The following SIGLEC1 variants were observed in gnomAD, a reference collection of about 807,000 sequenced individuals.
SIGLEC1 encodes sialic acid binding Ig like lectin 1.
Under a neutral mutation model 148.0 loss-of-function variants are expected in SIGLEC1, and 132 were observed. That is an observed-to-expected ratio of 0.89 (90% CI 0.77 to 1.03). The LOEUF is 1.03. Ranked by LOEUF, SIGLEC1 falls within the 50% of genes least tolerant of loss-of-function variation. The pLI, the probability that SIGLEC1 is intolerant of heterozygous loss-of-function variation, is 0.00. For missense variants in SIGLEC1, 2,253 were observed against 2,271.4 expected (o/e 0.99, Z 0.16); for synonymous variants, 945 against 969.0 (o/e 0.98, Z 0.46).
chr20:3,691,565 G>T lies in SIGLEC1; in HGVS notation c.4366C>A (p.Pro1456Thr). The T allele has an allele frequency of 6.2e-7, 1 of 1,612,926 alleles. No homozygotes were observed. Among genetic ancestry groups the T allele is most frequent in the Non-Finnish European group, 8.5e-7 (1 of 1,179,958 alleles). Residue 1456 changes from proline to threonine, a missense_variant, in exon 18 of 22, where the codon CCT (proline) becomes ACT (threonine). Pro to Thr is a conservative substitution (Grantham distance 38, BLOSUM62 -1). Transcript: ENST00000344754. Reference sequence around the variant, plus strand: ...CTGAGGTTCAGGGCAGCGCCCTCAGGCACGTCCAGGCCAGGCTCTGCCACC... The same window carrying T: ...CTGAGGTTCAGGGCAGCGCCCTCAGTCACGTCCAGGCCAGGCTCTGCCACC... ...RVVAEPGLDV[P>T]EGAALNLSCR... is the part of the protein sequence containing the mutation.
At chr20:3,698,535 G>A (rs562526282) in intron 8 of SIGLEC1, among the ~76,000 whole-genome samples, 1 of 152,188 alleles carries the variant, frequency 6.6e-6, no homozygotes, top group African/African-American at 2.4e-5. Context: ...CTCAAGATCT[G>A]CCCTGCAGCT....
intron 7 of SIGLEC1, 106 bp from the exon 8 acceptor site, chr20:3,699,565 A>G: frequency 7.1e-7 from 1 of 1,407,758 alleles, no homozygotes; most frequent in Non-Finnish European, 9.6e-7. Context: ...TACTGTAGGT[A>G]GCTCTGGGCT....
At chr20:3,707,765 T>C (rs1420204215) in intron 1 of SIGLEC1, among the ~76,000 whole-genome samples, 1 of 152,216 alleles carries the variant, frequency 6.6e-6, no homozygotes, top group Non-Finnish European at 1.5e-5. Flanking sequence ...TGCCCCCAGC[T>C]CTGTCCCCAT....
intron 7 of SIGLEC1, among the ~76,000 whole-genome samples, chr20:3,700,699 T>C (rs966041005): frequency 9.7e-5 from 1 of 10,282 alleles, no homozygotes; most frequent in Non-Finnish European, 1.6e-4. Flanking sequence ...TTCTTTTTCT[T>C]TTTTTTTTTT....
rs2088718322 is a variant in SIGLEC1, at chr20:3,688,245, G to GAAA, written c.*314_*315insTTT. The GAAA allele has an allele frequency of 2.8e-5, 11 of 386,438 alleles. No homozygotes were observed. Among genetic ancestry groups the GAAA allele is most frequent in the South Asian group, 2.0e-4 (9 of 45,354 alleles). The allele number at this position is 386,438 out of a possible 1,614,324, so 23.9% of individuals were successfully genotyped here. On this transcript the variant is annotated 3_prime_UTR_variant, in exon 22 of 22. Transcript: ENST00000344754. ...CCAACCAAAGTCCAGGGTGACTTTCGAGGAGAAGGATGTGAAAGGGCAGGG... is the reference window on the plus strand; with the variant it reads ...CCAACCAAAGTCCAGGGTGACTTTCGAAAAGGAGAAGGATGTGAAAGGGCAGGG...
intron 11 of SIGLEC1, 110 bp from the exon 12 acceptor site, chr20:3,695,033 C>T: frequency 1.7e-6 from 2 of 1,189,674 alleles, no homozygotes; most frequent in East Asian, 2.5e-5. Context: ...TGTGCTGGAG[C>T]CGCAGCCCCT....
In SIGLEC1 at chr20:3,689,612, C is replaced by G; in HGVS notation, c.4985G>C (p.Cys1662Ser). The stretch of plus-strand genomic sequence containing the variant: ...GCTCCAGACCCACCTCCAGGTGTAG[C>G]AGGCCCCCAGGCCCAACAGCAGGAG... ...LLLLLLGLGA[C>S]YTWRRRRVCK... The change falls in exon 20 of 22, where the codon TGC becomes TCC. Residue 1662 changes from cysteine to serine, a missense_variant. Transcript: ENST00000344754. The G allele has an allele frequency of 1.3e-6, 2 of 1,579,088 alleles. No homozygotes were observed. The highest frequency in any genetic ancestry group is 1.7e-6 in the Non-Finnish European group (2 of 1,162,364).
At chr20:3,699,168 C>T (rs565669319) in intron 8 of SIGLEC1, 34 bp downstream of exon 8, 727 of 1,598,548 alleles carry the variant, frequency 4.5e-4, no homozygotes, top group Non-Finnish European at 5.7e-4. Flanking sequence ...TGGTGGGTCC[C>T]GGCAGGAGGC....
chr20:3,704,990 TTTG>T (rs554257806), intron 4 of SIGLEC1, among the ~76,000 whole-genome samples: 15 of 152,256 alleles, frequency 9.9e-5, no homozygotes, highest in East Asian at 7.7e-4. Context: ...TTTATTTGTT[TTTG>T]TTGTTGTTGT....
intron 8 of SIGLEC1, among the ~76,000 whole-genome samples, chr20:3,698,996 G>A (rs942420848): frequency 3.9e-5 from 6 of 152,346 alleles, no homozygotes; most frequent in African/African-American, 1.4e-4. Context: ...TGGCATTGGA[G>A]GGTAAAGACA....
At chr20:3,694,572 G>T in intron 12 of SIGLEC1, 40 bp from the exon 13 acceptor site, 1 of 1,556,574 alleles carries the variant, frequency 6.4e-7, no homozygotes, top group Middle Eastern at 1.7e-4. Context: ...AGCCAGGGGG[G>T]TCCCTCATCC....
Position 3,692,869 on chromosome 20 carries a change from C to T in SIGLEC1, c.3771G>A (p.Arg1257=), listed in dbSNP as rs2088779605. Residue 1257 remains arginine (R), a synonymous_variant, in exon 15 of 22, where the codon CGG becomes CGA. Coordinates refer to ENST00000344754, the MANE Select transcript of SIGLEC1 (RefSeq NM_023068.4). ...LGQANTSLEL[R]LEGVRVILAP... ...GCCTAGGCCCTGCCTTACCCTCCAG[C>T]CGCAGCTCCAGGGACGTGTTGGCCT... The T allele has an allele frequency of 6.2e-7, 1 of 1,608,718 alleles. No homozygotes were observed. Among genetic ancestry groups the T allele is most frequent in the East Asian group, 2.2e-5 (1 of 44,842 alleles).
rs139470452 is a variant in SIGLEC1, at chr20:3,707,232, C to T, written c.-104G>A. ...ACACCTCTGGGCACTTTAGCCCCAG[C>T]ACCTGCTAGAAGTCCGAGCCTGTGT... On this transcript the variant is annotated 5_prime_UTR_variant, in exon 2 of 22. Coordinates refer to ENST00000344754, the MANE Select transcript of SIGLEC1 (RefSeq NM_023068.4). 3.3e-3 allele frequency: 3,336 copies of T among 998,262 alleles called. 17 individuals are homozygous for T. The highest frequency in any genetic ancestry group is 4.5e-3 in the Middle Eastern group (17 of 3,772). 61.8% of individuals were successfully genotyped at this position (998,262 alleles called of 1,614,324 possible).
chr20:3,712,463 G>C lies in SIGLEC1; in HGVS notation c.-110+7C>G, dbSNP rs573747969. On this transcript the variant is annotated splice_region_variant and intron_variant, in intron 1 of 21. Transcript: ENST00000344754. ...CCTCTGGGCCCAGGGACCAGGGACA[G>C]GGGTACCTGCTCCACAGAAGGAAGT... 2.7e-5 allele frequency among the ~76,000 whole-genome samples: 4 copies of C among 150,318 alleles called. No individual in the cohort carries two copies. The highest frequency in any genetic ancestry group is 2.0e-4 in the Admixed American group (3 of 15,100).
Position 3,694,366 on chromosome 20 carries a change from G to A in SIGLEC1, c.3111C>T (p.Ser1037=). Residue 1037 remains serine (S), a synonymous_variant, in exon 13 of 22, where the codon AGC becomes AGT. Transcript: ENST00000344754. Reference sequence around the variant, plus strand: ...CCACAGCCACATGCAGCCTGGGAGAGCTGCCTTCGGGTCCCCCCACACCTT... The same window carrying A: ...CCACAGCCACATGCAGCCTGGGAGAACTGCCTTCGGGTCCCCCCACACCTT... ...TLQGVGGPEG[S]SPRLHVAVAP... 1 of 1,613,246 alleles carries A rather than the reference G, an allele frequency of 6.2e-7. No homozygotes were observed. Among genetic ancestry groups the A allele is most frequent in the Non-Finnish European group, 8.5e-7 (1 of 1,179,938 alleles).
Position 3,696,741 on chromosome 20 carries a change from T to C in SIGLEC1, c.2528A>G (p.Gln843Arg). ...CTGGAACCGACCATGGGATGGGACC[T>C]GGGGACCCAGGCTGGTGGCCAGGAG... ...EHLLATSLGP[Q>R]VPSHGRFQAK... Residue 843 changes from glutamine (Q) to arginine (R), a missense_variant, in exon 11 of 22, where the codon CAG (glutamine) becomes CGG (arginine). Transcript: ENST00000344754. 3 of 1,613,490 alleles carry C rather than the reference T, an allele frequency of 1.9e-6. No homozygotes were observed. Among genetic ancestry groups the C allele is most frequent in the Non-Finnish European group, 2.5e-6 (3 of 1,179,968 alleles).
Position 3,694,277 on chromosome 20 carries a change from C to A in SIGLEC1, c.3200G>T (p.Cys1067Phe). The A allele has an allele frequency of 6.2e-7, 1 of 1,612,962 alleles. No homozygotes were observed. Among genetic ancestry groups the A allele is most frequent in the South Asian group, 1.1e-5 (1 of 91,080 alleles). Reference sequence around the variant, plus strand: ...CTGGCCCAGGGTGTTGGAGGCCTCACAGATATAGACACCCTCATCCTCCAG... The same window carrying A: ...CTGGCCCAGGGTGTTGGAGGCCTCAAAGATATAGACACCCTCATCCTCCAG... The part of the protein sequence containing the change: ...AMLEDEGVYI[C>F]EASNTLGQAS... The change falls in exon 13 of 22, where the codon TGT (cysteine) becomes TTT (phenylalanine). Residue 1067 changes from cysteine to phenylalanine, a missense_variant. Physicochemically the swap from Cys to Phe is radical, Grantham distance 205 (BLOSUM62 -2). Coordinates refer to ENST00000344754, the MANE Select transcript of SIGLEC1 (RefSeq NM_023068.4).
chr20:3,688,207 A>G lies in SIGLEC1; in HGVS notation c.*353T>C. On this transcript the variant is annotated 3_prime_UTR_variant, in exon 22 of 22. Coordinates refer to ENST00000344754, the MANE Select transcript of SIGLEC1 (RefSeq NM_023068.4). ...TGCCTTGGTGAGCCTCTGAGGATGCAGGATGCTGCAATCCAACCAAAGTCC... is the reference window on the plus strand; with the variant it reads ...TGCCTTGGTGAGCCTCTGAGGATGCGGGATGCTGCAATCCAACCAAAGTCC... 2.9e-6 allele frequency: 1 copy of G among 350,628 alleles called. No homozygotes were observed. Among genetic ancestry groups the G allele is most frequent in the South Asian group, 2.3e-5 (1 of 42,812 alleles). The allele number at this position is 350,628 out of a possible 1,614,324, so 21.7% of individuals were successfully genotyped here.
chr20:3,700,140 C>T (rs1443041221), intron 7 of SIGLEC1, among the ~76,000 whole-genome samples: 3 of 78,224 alleles, frequency 3.8e-5, no homozygotes, highest in African/African-American at 5.4e-5. Flanking sequence ...TTTTTTGAGA[C>T]GGAGTCTTGC....
Sources: gnomAD v4.1 joint callset for allele counts (sites outside exome capture counted in the v4.1 genomes callset) on GRCh38, gnomAD v4.1.1 for gene constraint, MANE v1.5 for transcripts, NCBI Gene and HGNC (gene_info 2026-07-23, HGNC 2026-07-21) for gene names.